Variants in LRCH2 observed in about 807,000 individuals in gnomAD.
LRCH2 encodes the protein leucine-rich repeat and calponin homology domain-containing protein 2.
LRCH2 carries 38 observed loss-of-function variants against 68.9 expected under a neutral mutation model. The observed-to-expected ratio is 0.55, with a 90% CI of 0.43 to 0.72. The LOEUF is 0.72. Ranked by LOEUF, LRCH2 falls within the 30% of genes least tolerant of loss-of-function variation. The pLI is 0.00. For missense variants in LRCH2, 528 were observed against 572.9 expected, an observed-to-expected ratio of 0.92 and a Z score of 0.80; for synonymous variants, 191 against 208.1, an observed-to-expected ratio of 0.92 and a Z score of 0.71.
chrX:115,130,270 C>A (rs1556529563), intron 14 of LRCH2, 71 bp from the exon 15 acceptor site: 12 of 547,761 alleles, frequency 2.2e-5, no homozygotes, highest in Non-Finnish European at 3.1e-5. Flanking sequence ...AAATTATGTA[C>A]AAGGTTCTTT....
chrX:115,124,512 GAAAGATTTGTAGT>G (rs1406145428), intron 16 of LRCH2, among the ~76,000 whole-genome samples: 4 of 111,943 alleles, frequency 3.6e-5, no homozygotes, highest in Non-Finnish European at 7.5e-5. Context: ...GTTTGCTATG[GAAAGATTTGTAGT>G]ACATTAAACA....
At chrX:115,194,731 G>C (rs1309842645) in intron 1 of LRCH2, among the ~76,000 whole-genome samples, 1 of 111,935 alleles carries the variant, frequency 8.9e-6, no homozygotes, top group African/African-American at 3.2e-5. Context: ...TGAGAGGAAA[G>C]AATCAAGAAT....
chrX:115,224,722 A>G (rs996659578), intron 1 of LRCH2, among the ~76,000 whole-genome samples: 1 of 110,035 alleles, frequency 9.1e-6, no homozygotes, highest in Non-Finnish European at 1.9e-5. Flanking sequence ...GAAAAGAAGT[A>G]GATACAGAAG....
At chrX:115,188,120 G>A in intron 2 of LRCH2, 106 bp downstream of exon 2, 1 of 515,701 alleles carries the variant, frequency 1.9e-6, no homozygotes, top group South Asian at 5.3e-5. Flanking sequence ...AGATACTGTT[G>A]AGATAAATTT....
chrX:115,118,642 G>T (rs1438585343), intron 20 of LRCH2, among the ~76,000 whole-genome samples: 1 of 111,203 alleles, frequency 9.0e-6, no homozygotes, highest in South Asian at 3.8e-4. Context: ...AATAGAAAAA[G>T]AGGGAATCCT....
At chrX:115,188,179 T>G in intron 2 of LRCH2, 47 bp downstream of exon 2, 1 of 964,086 alleles carries the variant, frequency 1.0e-6, no homozygotes, top group Non-Finnish European at 1.4e-6. Context: ...AAAAAAGGAT[T>G]AGAACAACAA....
intron 1 of LRCH2, among the ~76,000 whole-genome samples, chrX:115,232,256 A>G (rs1556578728): frequency 1.8e-5 from 2 of 110,061 alleles, no homozygotes; most frequent in Admixed American, 1.9e-4. Flanking sequence ...AATAAGAAAA[A>G]AAAAAAAAAG....
At chrX:115,121,323 A>G (rs191640892) in intron 20 of LRCH2, among the ~76,000 whole-genome samples, 1 of 111,411 alleles carries the variant, frequency 9.0e-6, no homozygotes, top group East Asian at 2.8e-4. Context: ...AGTAGAAAAA[A>G]GAAACAACAA....
chrX:115,224,347 T>C (rs1232698062), intron 1 of LRCH2, among the ~76,000 whole-genome samples: 1 of 111,263 alleles, frequency 9.0e-6, no homozygotes, highest in Non-Finnish European at 1.9e-5. Context: ...TACTTTAAAT[T>C]GGTCCACTTT....
chrX:115,233,689 T>C lies in LRCH2; in HGVS notation c.349+4A>G. The C allele has an allele frequency of 8.8e-7, 1 of 1,138,836 alleles. No homozygotes were observed. Among genetic ancestry groups the C allele is most frequent in the Non-Finnish European group, 1.2e-6 (1 of 856,395 alleles). The allele number at this position is 1,138,836 out of a possible 1,213,427, so 93.9% of individuals were successfully genotyped here. ...GCCAGCTTCCCCTCCCCCCGTCCTG[T>C]CACCTGCTTGGGTGGTGTCCGTCAG... On this transcript the variant is annotated splice_donor_region_variant and intron_variant, in intron 1 of 20. Transcript: ENST00000317135.
intron 20 of LRCH2, among the ~76,000 whole-genome samples, chrX:115,119,986 GA>G (rs1194133977): frequency 6.3e-5 from 7 of 111,035 alleles, no homozygotes; most frequent in African/African-American, 2.3e-4. Flanking sequence ...GCTGAAACTG[GA>G]TCCCTTCCTT....
chrX:115,153,589 C>T (rs1603043789), intron 12 of LRCH2, among the ~76,000 whole-genome samples: 1 of 110,652 alleles, frequency 9.0e-6, no homozygotes, highest in Non-Finnish European at 1.9e-5. Flanking sequence ...TGTTATGGTA[C>T]ACATAACAGA....
intron 14 of LRCH2, among the ~76,000 whole-genome samples, chrX:115,140,961 G>A (rs1276861627): frequency 9.0e-6 from 1 of 111,065 alleles, no homozygotes; most frequent in Non-Finnish European, 1.9e-5. Flanking sequence ...GGCCAGGCGT[G>A]GTAGCTCATG....
At chrX:115,121,009 T>C (rs1603019370) in intron 20 of LRCH2, among the ~76,000 whole-genome samples, 1 of 68,435 alleles carries the variant, frequency 1.5e-5, no homozygotes, top group African/African-American at 5.9e-5. Context: ...CATCCCACTC[T>C]GGGGTCTGTT....
intron 14 of LRCH2, among the ~76,000 whole-genome samples, chrX:115,130,589 C>T (rs2072235158): frequency 9.0e-6 from 1 of 111,006 alleles, no homozygotes; most frequent in Non-Finnish European, 1.9e-5. Flanking sequence ...ACAACTACCA[C>T]CCTTTTCCAG....
chrX:115,216,803 A>T (rs2073044753), intron 1 of LRCH2, among the ~76,000 whole-genome samples: 1 of 111,785 alleles, frequency 8.9e-6, no homozygotes, highest in Non-Finnish European at 1.9e-5. Flanking sequence ...TTCCAGCTGG[A>T]ACCATGGAGG....
intron 1 of LRCH2, among the ~76,000 whole-genome samples, chrX:115,233,469 T>C (rs922111662): frequency 2.7e-5 from 3 of 111,758 alleles, no homozygotes; most frequent in African/African-American, 6.5e-5. Flanking sequence ...CTTTCACCCC[T>C]AACATCCTAC....
rs2072141578 is a variant in LRCH2 at position 115,121,401 on chromosome X, C to T, written c.2178+1126G>A. Among the ~76,000 whole-genome samples, 6 of 111,412 alleles carry T rather than the reference C, an allele frequency of 5.4e-5. No homozygotes were observed. In the Admixed American group the frequency reaches 5.7e-4, roughly 11 times the overall value. On this transcript the variant is annotated intron_variant, in intron 20 of 20. Transcript: ENST00000317135. ...GCACAGTGGCTTGTGCCTGTAATCC[C>T]AGCACTTTGGGAGGCTGAGGCGGGT...
intron 14 of LRCH2, among the ~76,000 whole-genome samples, chrX:115,148,369 C>T (rs2072404936): frequency 1.8e-5 from 2 of 111,594 alleles, no homozygotes; most frequent in South Asian, 7.4e-4. Context: ...TTAATAAGTG[C>T]TATGTAAGTT....
Sources: allele counts gnomAD v4.1 joint callset (sites outside exome capture counted in the v4.1 genomes callset), GRCh38; gene constraint gnomAD v4.1.1; transcripts MANE v1.5; gene names NCBI Gene and HGNC (gene_info 2026-07-23, HGNC 2026-07-21).